WWC2: variants seen among roughly 807,000 people sequenced by gnomAD.
The protein encoded by WWC2 is WW and C2 domain containing 2, also known as protein WWC2.
WWC2 carries 101 observed loss-of-function variants against 138.5 expected under a neutral mutation model. That is an observed-to-expected ratio of 0.73 (90% confidence interval 0.62 to 0.86). The LOEUF (loss-of-function observed/expected upper bound fraction) is 0.86, where lower values mean the gene tolerates loss of function less well. Ranked by LOEUF, WWC2 falls within the 40% of genes least tolerant of loss-of-function variation. WWC2 has a pLI of 0.00. For synonymous variants in WWC2, 558 were observed against 538.4 expected, an observed-to-expected ratio of 1.04 and a Z score of -0.50; for missense variants, 1,420 against 1,419.4, an observed-to-expected ratio of 1.00 and a Z score of -0.01.
intron 21 of WWC2, among the ~76,000 whole-genome samples, chr4:183,291,251 G>A (rs1360689859): frequency 6.6e-6 from 1 of 152,188 alleles, no homozygotes; most frequent in Non-Finnish European, 1.5e-5. Context: ...AAAGTGGGTA[G>A]TGGAGCTTCA....
rs1409676122 is a variant in WWC2, at chr4:183,295,972, C to T, written c.3384+6337C>T. On this transcript the variant is annotated intron_variant, in intron 21 of 22. Transcript: ENST00000403733. ...TGTCATCTCTGTCATTCAGTGCAAC[C>T]AAGTGTGTGACATGGGTGGTATTTT... Among the ~76,000 whole-genome samples the T allele has an allele frequency of 2.6e-5, 4 of 152,218 alleles. No individual in the cohort carries two copies. The East Asian group carries it at 7.7e-4, about 29-fold the overall frequency.
chr4:183,198,917 G>A (rs1181612289), intron 2 of WWC2, among the ~76,000 whole-genome samples: 2 of 151,124 alleles, frequency 1.3e-5, no homozygotes, highest in Non-Finnish European at 2.9e-5. Flanking sequence ...TCATAGGCTA[G>A]TCCTTCTTGG....
At chr4:183,258,256 T>C (rs376905738) in intron 9 of WWC2, among the ~76,000 whole-genome samples, 14 of 152,230 alleles carry the variant, frequency 9.2e-5, no homozygotes, top group South Asian at 4.1e-4. Flanking sequence ...TTTTTCCTCG[T>C]TGAGTTTTTA....
Position 183,100,363 on chromosome 4 carries a change from G to GT in WWC2, c.131+747dup, listed in dbSNP as rs776991328. On this transcript the variant is annotated intron_variant, in intron 1 of 22. Coordinates refer to ENST00000403733, the MANE Select transcript of WWC2 (RefSeq NM_024949.6). ...GCTTAGCCTGGTTTCTTTGTTTTTTGTTTTTTAAATTGGTTCAGGAACTGA... is the reference window on the plus strand; with the variant it reads ...GCTTAGCCTGGTTTCTTTGTTTTTTGTTTTTTTAAATTGGTTCAGGAACTGA... Among the ~76,000 whole-genome samples, 8 of 152,140 alleles carry GT rather than the reference G, an allele frequency of 5.3e-5. 1 individual carries two copies. Among genetic ancestry groups the GT allele is most frequent in the South Asian group, 4.1e-4 (2 of 4,832 alleles).
chr4:183,222,219 A>T (rs1735954360), intron 4 of WWC2, among the ~76,000 whole-genome samples: 1 of 152,154 alleles, frequency 6.6e-6, no homozygotes, highest in South Asian at 2.1e-4. Context: ...TAAACTCATC[A>T]TATTGTACAT....
chr4:183,131,281 T>C (rs1732916954), intron 1 of WWC2, among the ~76,000 whole-genome samples: 2 of 151,784 alleles, frequency 1.3e-5, no homozygotes, highest in Admixed American at 6.6e-5. Flanking sequence ...ATTTTATAAA[T>C]TTTAGAAAAT....
chr4:183,260,428 C>T (rs1363617769), intron 10 of WWC2, among the ~76,000 whole-genome samples: 1 of 152,134 alleles, frequency 6.6e-6, no homozygotes, highest in Non-Finnish European at 1.5e-5. Flanking sequence ...CAGTTAGGTG[C>T]CACATGATGA....
chr4:183,150,870 A>C (rs1163488016), intron 1 of WWC2, among the ~76,000 whole-genome samples: 1 of 152,136 alleles, frequency 6.6e-6, no homozygotes, highest in Non-Finnish European at 1.5e-5. Context: ...ACACGAACTC[A>C]TCCTTTTTTA....
Position 183,249,958 on chromosome 4 carries a change from C to G in WWC2, c.918C>G (p.Val306=). The G allele has an allele frequency of 2.5e-6, 4 of 1,613,728 alleles. No homozygotes were observed. Among genetic ancestry groups the G allele is most frequent in the Non-Finnish European group, 3.4e-6 (4 of 1,179,798 alleles). ...GTAGATCAAATTTAGCTGAAAAGGT[C>G]AGGCTAAGCCTACAGTATGAAGAAG... ...VRSRSNLAEK[V]RLSLQYEEAK... is the part of the protein sequence containing the mutation. Residue 306 remains valine, a synonymous_variant, in exon 8 of 23, where the codon GTC becomes GTG. Transcript: ENST00000403733.
chr4:183,118,806 A>G (rs1164647195), intron 1 of WWC2, among the ~76,000 whole-genome samples: 4 of 152,216 alleles, frequency 2.6e-5, no homozygotes, highest in African/African-American at 7.2e-5. Flanking sequence ...CAAGTAGCCA[A>G]GCGTTGAGTC....
At chr4:183,139,519 C>A (rs549046033) in intron 1 of WWC2, among the ~76,000 whole-genome samples, 1 of 152,284 alleles carries the variant, frequency 6.6e-6, no homozygotes, top group South Asian at 2.1e-4. Flanking sequence ...AAAAACCTTA[C>A]AGTCATTGTG....
At chr4:183,191,343 A>T (rs954806335) in intron 1 of WWC2, among the ~76,000 whole-genome samples, 1 of 152,110 alleles carries the variant, frequency 6.6e-6, no homozygotes, top group Non-Finnish European at 1.5e-5. Flanking sequence ...GCCAGTTTCC[A>T]TATTTGGGCA....
chr4:183,312,471 G>A lies in WWC2; in HGVS notation c.3512+3G>A. On this transcript the variant is annotated splice_donor_region_variant and intron_variant, in intron 22 of 22. Transcript: ENST00000403733. The stretch of plus-strand genomic sequence containing the variant: ...CCTCGGCAGGTGCAGTCCTTCAGGT[G>A]AATAGCCCCATCCAGGACAGCTTTT... 1 of 1,613,406 alleles carries A rather than the reference G, an allele frequency of 6.2e-7. No homozygotes were observed. Among genetic ancestry groups the A allele is most frequent in the Non-Finnish European group, 8.5e-7 (1 of 1,179,560 alleles).
intron 1 of WWC2, among the ~76,000 whole-genome samples, chr4:183,175,603 G>A (rs562256752): frequency 1.3e-5 from 2 of 152,190 alleles, no homozygotes; most frequent in Admixed American, 6.5e-5. Context: ...TAAAAATTGC[G>A]ATCCCATCGT....
Position 183,289,467 on chromosome 4 carries a change from C to T in WWC2, c.3216C>T (p.Asp1072=), listed in dbSNP as rs1267376856. The T allele has an allele frequency of 6.2e-7, 1 of 1,613,358 alleles. No individual in the cohort carries two copies. The highest frequency in any genetic ancestry group is 8.5e-7 in the Non-Finnish European group (1 of 1,179,678). The change falls in exon 21 of 23, where the codon GAC becomes GAT. Residue 1072 remains aspartate, a synonymous_variant. Coordinates refer to ENST00000403733, the MANE Select transcript of WWC2 (RefSeq NM_024949.6). ...PVRTSLDLEL[D]LQASLTRQSR... ...GGACATCTCTAGACTTAGAACTGGA[C>T]CTTCAGGCATCTCTGACCCGGCAGA...
chr4:183,194,026 C>T (rs1362608537), intron 2 of WWC2, among the ~76,000 whole-genome samples: 1 of 152,144 alleles, frequency 6.6e-6, no homozygotes, highest in Non-Finnish European at 1.5e-5. Context: ...TTTCCATGGC[C>T]ACTGCACCTT....
chr4:183,240,890 T>C (rs973110183), intron 5 of WWC2, among the ~76,000 whole-genome samples: 1 of 151,770 alleles, frequency 6.6e-6, no homozygotes, highest in Non-Finnish European at 1.5e-5. Context: ...GAAATGGAGG[T>C]GACAGAGGGT....
rs925546055 is a variant in WWC2 at position 183,265,699 on chromosome 4, T to C, written c.2051T>C (p.Met684Thr). The C allele has an allele frequency of 1.9e-6, 3 of 1,610,802 alleles. No homozygotes were observed. Among genetic ancestry groups the C allele is most frequent in the Non-Finnish European group, 2.5e-6 (3 of 1,178,574 alleles). ...CCCTGTCCATATAGACCTAGTGAAA[T>C]GGAAGATGTCACATACAGTGAAGAG... ...YEAFVKQPSEMEDVTYSEEDV... is the reference protein window; with the variant it reads ...YEAFVKQPSETEDVTYSEEDV... Residue 684 changes from methionine (M) to threonine (T), a missense_variant, in exon 13 of 23, where the codon ATG (methionine) becomes ACG (threonine). By Grantham distance (81) the Met-to-Thr change is moderately conservative. Transcript: ENST00000403733.
intron 21 of WWC2, among the ~76,000 whole-genome samples, chr4:183,303,867 T>G (rs1187290965): frequency 1.3e-5 from 2 of 151,928 alleles, no homozygotes; most frequent in Admixed American, 6.6e-5. Flanking sequence ...ATGCCTGCAT[T>G]TATTTATCTC....
Sources: allele counts gnomAD v4.1 joint callset (sites outside exome capture counted in the v4.1 genomes callset), GRCh38; gene constraint gnomAD v4.1.1; transcripts MANE v1.5; gene names NCBI Gene and HGNC (gene_info 2026-07-23, HGNC 2026-07-21).